The following RGS6 variants were observed in gnomAD, a reference collection of about 807,000 sequenced individuals.
RGS6 encodes regulator of G-protein signaling 6.
RGS6 carries 30 observed loss-of-function variants against 78.5 expected under a neutral mutation model. The observed-to-expected ratio is 0.38, with a 90% CI of 0.29 to 0.52. The LOEUF (loss-of-function observed/expected upper bound fraction) is 0.52. Ranked by LOEUF, RGS6 falls within the 20% of genes least tolerant of loss-of-function variation. The pLI is 0.85. For synonymous variants in RGS6, 206 were observed against 206.0 expected (o/e 1.00, Z 0.00); for missense variants, 495 against 609.7 (o/e 0.81, Z 1.98).
intron 3 of RGS6, among the ~76,000 whole-genome samples, chr14:72,379,640 AG>A (rs1335090083): frequency 4.6e-5 from 7 of 152,116 alleles, no homozygotes; most frequent in Non-Finnish European, 7.4e-5. Context: ...GACCTTTGTA[AG>A]GAAAACTACA....
the RGS6 span, among the ~76,000 whole-genome samples, chr14:71,903,761 C>T: frequency 2.0e-5 from 3 of 152,250 alleles, no homozygotes; most frequent in African/African-American, 7.2e-5. Flanking sequence ...CTGTCATTGC[C>T]AATGCATATA....
intron 2 of RGS6, among the ~76,000 whole-genome samples, chr14:72,199,102 T>C (rs931748449): frequency 7.2e-5 from 11 of 152,200 alleles, no homozygotes; most frequent in African/African-American, 2.4e-4. Flanking sequence ...GACACTTTCC[T>C]GGCCATTGAA....
At chr14:72,108,886 C>G (rs2095690558) in intron 2 of RGS6, among the ~76,000 whole-genome samples, 2 of 151,996 alleles carry the variant, frequency 1.3e-5, no homozygotes, top group Non-Finnish European at 2.9e-5. Flanking sequence ...GGTGTGCTTT[C>G]ATTATCTGTG....
chr14:72,281,936 A>G (rs999281809), intron 2 of RGS6, among the ~76,000 whole-genome samples: 1 of 152,238 alleles, frequency 6.6e-6, no homozygotes, highest in Non-Finnish European at 1.5e-5. Flanking sequence ...ACACAAAGTC[A>G]TCGGAAGATT....
chr14:71,903,004 G>C, the RGS6 span, among the ~76,000 whole-genome samples: 1 of 152,188 alleles, frequency 6.6e-6, no homozygotes, highest in Admixed American at 6.5e-5. Flanking sequence ...GATAAACCAG[G>C]TACATATCCA....
chr14:72,568,218 A>G (rs1357022794), downstream of RGS6, among the ~76,000 whole-genome samples: 3 of 152,176 alleles, frequency 2.0e-5, no homozygotes, highest in Non-Finnish European at 4.4e-5. Flanking sequence ...CCTCATTCTG[A>G]GCCTTAGTGT....
intron 2 of RGS6, among the ~76,000 whole-genome samples, chr14:72,342,617 C>G (rs2077229796): frequency 6.8e-6 from 1 of 147,236 alleles, no homozygotes; most frequent in Non-Finnish European, 1.5e-5. Flanking sequence ...GTAATCCCAG[C>G]TACTTGGGAT....
chr14:72,109,263 T>C (rs2095701363), intron 2 of RGS6, among the ~76,000 whole-genome samples: 1 of 152,184 alleles, frequency 6.6e-6, no homozygotes, highest in African/African-American at 2.4e-5. Context: ...TACCTATTTG[T>C]ATCTTGATGT....
At chr14:72,613,950 C>G in the RGS6 span, among the ~76,000 whole-genome samples, 1 of 152,072 alleles carries the variant, frequency 6.6e-6, no homozygotes, top group African/African-American at 2.4e-5. Flanking sequence ...GCAGGAAGCA[C>G]CCCCATCTTC....
chr14:72,183,163 T>A lies in RGS6; in HGVS notation c.85-168932T>A, dbSNP rs562894475. Among the ~76,000 whole-genome samples the A allele has an allele frequency of 2.0e-5, 3 of 152,356 alleles. No individual in the cohort carries two copies. The South Asian group carries it at 6.2e-4, about 32-fold the overall frequency. ...TCTGATAAGGTAGGCTTACTTTATGTCACCTTAAAATGAGGTTAAGCCAAG... is the reference window on the plus strand; with the variant it reads ...TCTGATAAGGTAGGCTTACTTTATGACACCTTAAAATGAGGTTAAGCCAAG... On this transcript the variant is annotated intron_variant, in intron 2 of 17. Coordinates refer to ENST00000553525, the MANE Select transcript of RGS6 (RefSeq NM_001204424.2).
chr14:72,332,955 C>T (rs2075346693), intron 2 of RGS6, among the ~76,000 whole-genome samples: 1 of 152,212 alleles, frequency 6.6e-6, no homozygotes, highest in Non-Finnish European at 1.5e-5. Flanking sequence ...GCGAAACCCT[C>T]ATGGTTATAT....
At chr14:72,578,427 A>G in the RGS6 span, among the ~76,000 whole-genome samples, 9 of 152,150 alleles carry the variant, frequency 5.9e-5, no homozygotes. Context: ...ACTTCCTCTT[A>G]GCTGAGGTCC....
Position 72,538,705 on chromosome 14 carries a change from C to G in RGS6, c.1369-1336C>G, listed in dbSNP as rs79902451. Among the ~76,000 whole-genome samples the G allele has an allele frequency of 3.9e-3, 590 of 152,358 alleles. 3 individuals are homozygous for G. The highest frequency in any genetic ancestry group is 0.014 in the African/African-American group (577 of 41,590). On this transcript the variant is annotated intron_variant, in intron 16 of 17. Transcript: ENST00000553525. The stretch of plus-strand genomic sequence containing the variant: ...CCAGAATAGAGACTTGGTATGGTAC[C>G]CGGGGCCAAGCATGAGTCCTTCAGT...
At chr14:72,543,729 C>A (rs2097355655) in intron 17 of RGS6, among the ~76,000 whole-genome samples, 1 of 152,222 alleles carries the variant, frequency 6.6e-6, no homozygotes, top group African/African-American at 2.4e-5. Flanking sequence ...GTGGCCAGAG[C>A]TGAAATGCTC....
At chr14:72,393,262 A>G (rs553188554) in intron 3 of RGS6, among the ~76,000 whole-genome samples, 1 of 152,286 alleles carries the variant, frequency 6.6e-6, no homozygotes, top group East Asian at 1.9e-4. Context: ...TCTGTGATGT[A>G]AGGTGGAATT....
rs140412806 is a variant in RGS6 at position 72,169,132 on chromosome 14, T to A, written c.85-182963T>A. 3.1e-3 allele frequency among the ~76,000 whole-genome samples: 479 copies of A among 152,342 alleles called. 1 individual carries two copies. Among genetic ancestry groups the A allele is most frequent in the African/African-American group, 0.011 (462 of 41,574 alleles). Reference sequence around the variant, plus strand: ...ATTCTTTGGGTGAAACAGAATCTAATCACTAAGCAATTTTTCTACAGAGAG... The same window carrying A: ...ATTCTTTGGGTGAAACAGAATCTAAACACTAAGCAATTTTTCTACAGAGAG... On this transcript the variant is annotated intron_variant, in intron 2 of 17. Coordinates refer to ENST00000553525, the MANE Select transcript of RGS6 (RefSeq NM_001204424.2).
At chr14:72,453,497 T>C (rs1322438170) in intron 3 of RGS6, among the ~76,000 whole-genome samples, 2 of 145,832 alleles carry the variant, frequency 1.4e-5, no homozygotes, top group African/African-American at 5.2e-5. Flanking sequence ...GCGCCTGTAG[T>C]CCCAGCTACT....
intron 3 of RGS6, among the ~76,000 whole-genome samples, chr14:72,380,850 T>G (rs2085891931): frequency 1.3e-5 from 2 of 150,718 alleles, no homozygotes; most frequent in Admixed American, 1.3e-4. Context: ...AATCAGTATA[T>G]CAAAGGGACA....
At chr14:72,434,321 A>G in intron 3 of RGS6, among the ~76,000 whole-genome samples, 1 of 152,238 alleles carries the variant, frequency 6.6e-6, no homozygotes, top group Non-Finnish European at 1.5e-5. Context: ...TGGGTGACAG[A>G]GCGAGACCCT....
Sources: allele counts gnomAD v4.1 joint callset (sites outside exome capture counted in the v4.1 genomes callset), GRCh38; gene constraint gnomAD v4.1.1; transcripts MANE v1.5; gene names NCBI Gene and HGNC (gene_info 2026-07-23, HGNC 2026-07-21).